Variants in PEPD observed in about 807,000 individuals in gnomAD.
PEPD encodes the protein xaa-Pro dipeptidase.
A neutral mutation model predicts 60.7 loss-of-function variants in PEPD; 53 were observed. The observed-to-expected ratio is 0.87, with a 90% confidence interval of 0.70 to 1.10. The LOEUF is 1.10. Ranked by LOEUF, PEPD falls within the 50% of genes least tolerant of loss-of-function variation. The pLI is 0.00. For synonymous variants in PEPD, 267 were observed against 284.1 expected, an observed-to-expected ratio of 0.94 and a Z score of 0.60; for missense variants, 711 against 711.9, an observed-to-expected ratio of 1.00 and a Z score of 0.01.
chr19:33,428,552 C>T (rs1382752847), intron 9 of PEPD, among the ~76,000 whole-genome samples: 2 of 152,220 alleles, frequency 1.3e-5, no homozygotes, highest in African/African-American at 2.4e-5. Context: ...CTCCTGCTCA[C>T]CGCCAGTTAC....
intron 14 of PEPD, 121 bp from the exon 15 acceptor site, chr19:33,387,602 C>T (rs988476578): frequency 4.3e-5 from 57 of 1,325,176 alleles, no homozygotes; most frequent in African/African-American, 1.0e-4. Context: ...CCCTGGGAGA[C>T]GGGTGGCCTC....
At chr19:33,446,279 T>C (rs1254912922) in intron 9 of PEPD, among the ~76,000 whole-genome samples, 1 of 152,106 alleles carries the variant, frequency 6.6e-6, no homozygotes, top group Non-Finnish European at 1.5e-5. Context: ...TTTCTACCTT[T>C]CTCCAGCTTT....
chr19:33,509,577 G>A (rs1970882254), intron 3 of PEPD, among the ~76,000 whole-genome samples: 1 of 152,226 alleles, frequency 6.6e-6, no homozygotes, highest in African/African-American at 2.4e-5. Context: ...CCAGTCCTCA[G>A]CAGAGAGCCC....
chr19:33,495,845 G>A (rs574469299), intron 4 of PEPD, among the ~76,000 whole-genome samples: 12 of 152,182 alleles, frequency 7.9e-5, no homozygotes, highest in Non-Finnish European at 1.0e-4. Flanking sequence ...AAAATTAGCC[G>A]GGCTTGGTGA....
intron 13 of PEPD, chr19:33,388,713 G>A (rs966310471): frequency 5.7e-5 from 10 of 175,234 alleles, no homozygotes; most frequent in Non-Finnish European, 1.1e-4. Flanking sequence ...GGGGCCTTAC[G>A]GCAGGGCCCT....
intron 12 of PEPD, among the ~76,000 whole-genome samples, chr19:33,394,364 CG>C (rs140118182): frequency 0.024 from 3,680 of 152,356 alleles, 66 homozygotes; most frequent in South Asian, 0.057. Flanking sequence ...TGGCCCTTCC[CG>C]GGGGCAGGCC....
rs537918166 is a variant in PEPD at position 33,470,621 on chromosome 19, T to C, written c.549-6559A>G. ...TTTAAGTCTCTTCTGAAAGGCCATA[T>C]ATAGTCCTGGAAGACAGGGTCCCAG... On this transcript the variant is annotated intron_variant, in intron 7 of 14. Coordinates refer to ENST00000244137, the MANE Select transcript of PEPD (RefSeq NM_000285.4). Among the ~76,000 whole-genome samples the C allele has an allele frequency of 1.8e-4, 28 of 152,278 alleles. 1 individual carries two copies. The South Asian group carries it at 5.6e-3, about 30-fold the overall frequency.
chr19:33,498,901 C>T (rs185449332), intron 4 of PEPD, among the ~76,000 whole-genome samples: 140 of 152,312 alleles, frequency 9.2e-4, no homozygotes, highest in African/African-American at 3.3e-3. Flanking sequence ...CCGCCAGGGT[C>T]CTTGAGACAG....
chr19:33,449,936 C>T (rs1270814421), intron 9 of PEPD, among the ~76,000 whole-genome samples: 5 of 152,148 alleles, frequency 3.3e-5, no homozygotes, highest in Non-Finnish European at 7.4e-5. Flanking sequence ...TGGGAGTGAC[C>T]AGGGAGGTAA....
At chr19:33,462,644 T>C (rs1179067197) in intron 9 of PEPD, among the ~76,000 whole-genome samples, 1 of 152,162 alleles carries the variant, frequency 6.6e-6, no homozygotes, top group East Asian at 1.9e-4. Flanking sequence ...AATGGCAGTG[T>C]TTACACATAA....
chr19:33,443,316 C>T (rs886162723), intron 9 of PEPD, among the ~76,000 whole-genome samples: 2 of 152,262 alleles, frequency 1.3e-5, no homozygotes, highest in Middle Eastern at 3.4e-3. Context: ...TTTATTTATC[C>T]GTGTAGGAGT....
chr19:33,405,724 C>T (rs927168661), intron 11 of PEPD, among the ~76,000 whole-genome samples: 1 of 152,248 alleles, frequency 6.6e-6, no homozygotes, highest in Non-Finnish European at 1.5e-5. Context: ...GGCCACCACT[C>T]GGAGTCCCTG....
intron 3 of PEPD, among the ~76,000 whole-genome samples, chr19:33,505,300 G>A (rs1011462838): frequency 6.6e-6 from 1 of 152,068 alleles, no homozygotes; most frequent in African/African-American, 2.4e-5. Context: ...GAAGCCGGCA[G>A]CCATCTGAGG....
chr19:33,485,819 T>C (rs1247152997), intron 6 of PEPD, among the ~76,000 whole-genome samples: 2 of 152,154 alleles, frequency 1.3e-5, no homozygotes, highest in Admixed American at 1.3e-4. Flanking sequence ...GTGTATTTCT[T>C]ACACTGATGT....
chr19:33,437,170 G>A (rs762626366), intron 9 of PEPD, among the ~76,000 whole-genome samples: 5 of 152,018 alleles, frequency 3.3e-5, no homozygotes, highest in Admixed American at 1.3e-4. Context: ...TCCGGCCCTC[G>A]GAAAAGCTGT....
intron 3 of PEPD, among the ~76,000 whole-genome samples, chr19:33,506,224 ACACACCCACACACAAGACAGCACACT>A (rs1463501606): frequency 2.1e-5 from 3 of 143,258 alleles, no homozygotes; most frequent in African/African-American, 7.9e-5. Flanking sequence ...CACACTACAC[ACACACCCACACACAAGACAGCACACT>A]CACACCCACT....
intron 9 of PEPD, among the ~76,000 whole-genome samples, chr19:33,431,274 A>G (rs1241881284): frequency 1.3e-5 from 2 of 152,114 alleles, no homozygotes; most frequent in East Asian, 3.9e-4. Context: ...GGACGAAAAG[A>G]AAGAAAAGCA....
At chr19:33,397,351 C>T (rs1007596492) in intron 12 of PEPD, among the ~76,000 whole-genome samples, 1 of 152,010 alleles carries the variant, frequency 6.6e-6, no homozygotes, top group African/African-American at 2.4e-5. Flanking sequence ...AGGATGCAGT[C>T]GGGCAGTCTC....
chr19:33,432,891 C>T (rs1005947078), intron 9 of PEPD, among the ~76,000 whole-genome samples: 1 of 152,242 alleles, frequency 6.6e-6, no homozygotes, highest in African/African-American at 2.4e-5. Flanking sequence ...AGTGACATGG[C>T]CTGGGTCACA....
Sources: allele counts gnomAD v4.1 joint callset (sites outside exome capture counted in the v4.1 genomes callset), GRCh38; gene constraint gnomAD v4.1.1; transcripts MANE v1.5; gene names NCBI Gene and HGNC (gene_info 2026-07-23, HGNC 2026-07-21).